Variants in FBRSL1 observed in about 807,000 individuals in gnomAD.
The protein encoded by FBRSL1 is fibrosin like 1.
Under a neutral mutation model 89.6 loss-of-function variants are expected in FBRSL1, and 51 were observed. That is an observed-to-expected ratio of 0.57 (90% confidence interval 0.45 to 0.72). FBRSL1 has a LOEUF of 0.72. Ranked by LOEUF, FBRSL1 falls within the 30% of genes least tolerant of loss-of-function variation. The pLI, the probability that FBRSL1 is intolerant of heterozygous loss-of-function variation, is 0.00. For missense variants in FBRSL1, 1,618 were observed against 1,451.8 expected, an observed-to-expected ratio of 1.11 and a Z score of -1.86; for synonymous variants, 779 against 681.1, an observed-to-expected ratio of 1.14 and a Z score of -2.24.
In FBRSL1 at chr12:132,583,649, G is replaced by A; in HGVS notation, c.2880G>A (p.Val960=). ...CCCTCGGCGCACCGCCCCCCCTGGTGACGGCGGCCGGGCCCCCCACGCCCC... is the reference window on the plus strand; with the variant it reads ...CCCTCGGCGCACCGCCCCCCCTGGTAACGGCGGCCGGGCCCCCCACGCCCC... The part of the protein sequence containing the change: ...AAALGAPPPL[V]TAAGPPTPPG... The change falls in exon 19 of 19, where the codon GTG becomes GTA. Residue 960 remains valine (V), a synonymous_variant. Transcript: ENST00000680143. The A allele has an allele frequency of 9.8e-7, 1 of 1,025,224 alleles. No individual in the cohort carries two copies. The highest frequency in any genetic ancestry group is 1.2e-6 in the Non-Finnish European group (1 of 855,510). The allele number at this position is 1,025,224 out of a possible 1,614,324, so 63.5% of individuals were successfully genotyped here.
intron 4 of FBRSL1, among the ~76,000 whole-genome samples, chr12:132,541,942 G>A (rs1476220939): frequency 6.6e-6 from 1 of 152,242 alleles, no homozygotes; most frequent in Non-Finnish European, 1.5e-5. Context: ...TTTCTGGGCT[G>A]CAGGTTCAGA....
At chr12:132,569,374 C>T (rs1459873587) in intron 6 of FBRSL1, among the ~76,000 whole-genome samples, 2 of 152,100 alleles carry the variant, frequency 1.3e-5, no homozygotes, top group Non-Finnish European at 2.9e-5. Flanking sequence ...CCCAAGTTTC[C>T]AGGAAGTGGT....
chr12:132,544,900 T>A (rs1454302133), intron 4 of FBRSL1, among the ~76,000 whole-genome samples: 1 of 152,138 alleles, frequency 6.6e-6, no homozygotes, highest in African/African-American at 2.4e-5. Flanking sequence ...GATACTGTCA[T>A]GTGTATAATG....
At position 132,582,186 on chromosome 12, in the gene FBRSL1, C is replaced by T. The variant is rs1278515103; in HGVS notation, c.2121C>T (p.Pro707=). The T allele has an allele frequency of 6.5e-7, 1 of 1,550,184 alleles. No homozygotes were observed. Among genetic ancestry groups the T allele is most frequent in the Non-Finnish European group, 8.7e-7 (1 of 1,146,850 alleles). The change falls in exon 18 of 19, where the codon CCC becomes CCT. Residue 707 remains proline (P), a synonymous_variant. Coordinates refer to ENST00000680143, the MANE Select transcript of FBRSL1 (RefSeq NM_001367871.1). ...PPSFPAPPPW[P]KSVDAERVSA... ...CCTTCCCGGCTCCGCCCCCGTGGCC[C>T]AAGTCCGTGGACGCGGAGCGGGTGT... is the stretch of plus-strand genomic sequence containing the variant.
At chr12:132,494,788 C>T (rs2031715044) in intron 1 of FBRSL1, among the ~76,000 whole-genome samples, 3 of 152,200 alleles carry the variant, frequency 2.0e-5, no homozygotes, top group African/African-American at 2.4e-5. Flanking sequence ...AGAAGGTCCA[C>T]GTGTGTCCCA....
Position 132,583,383 on chromosome 12 carries a change from C to T in FBRSL1, c.2614C>T (p.Pro872Ser). Reference sequence around the variant, plus strand: ...CGCCTTCCCCGCTGCCGCCCCCGCCCCGGGCTCCGCCGCCCTCTTGGAGCC... The same window carrying T: ...CGCCTTCCCCGCTGCCGCCCCCGCCTCGGGCTCCGCCGCCCTCTTGGAGCC... Reference protein sequence around the residue: ...RRAFPAAAPAPGSAALLEPPE... With the variant: ...RRAFPAAAPASGSAALLEPPE... The change falls in exon 19 of 19, where the codon CCG (proline) becomes TCG (serine). Residue 872 changes from proline (P) to serine (S), a missense_variant. Transcript: ENST00000680143. 9.2e-7 allele frequency: 1 copy of T among 1,086,960 alleles called. No homozygotes were observed. The highest frequency in any genetic ancestry group is 3.0e-5 in the South Asian group (1 of 32,884). The allele number at this position is 1,086,960 out of a possible 1,614,324, so 67.3% of individuals were successfully genotyped here. A position where few individuals can be genotyped will look rare whatever the true frequency, so the allele number is the denominator to read the frequency against.
rs147795208 is a variant in FBRSL1 at position 132,518,584 on chromosome 12, A to T, written c.490-7150A>T. ...CATCCATCTACCCATCTGGCCATCC[A>T]TCCACCCATCTGTCCATCCATCCAC... is the stretch of plus-strand genomic sequence containing the variant. On this transcript the variant is annotated intron_variant, in intron 2 of 18. Transcript: ENST00000680143. Among the ~76,000 whole-genome samples the T allele has an allele frequency of 6.3e-3, 922 of 146,944 alleles. 3 individuals are homozygous for T. Among genetic ancestry groups the T allele is most frequent in the Non-Finnish European group, 9.4e-3 (633 of 67,226 alleles).
chr12:132,541,451 C>T (rs1470092122), intron 4 of FBRSL1, among the ~76,000 whole-genome samples: 1 of 152,166 alleles, frequency 6.6e-6, no homozygotes, highest in African/African-American at 2.4e-5. Flanking sequence ...ACCCCGGGGA[C>T]AGCTGCCCAG....
chr12:132,529,345 G>A (rs1027625969), intron 4 of FBRSL1, among the ~76,000 whole-genome samples: 8 of 152,198 alleles, frequency 5.3e-5, no homozygotes, highest in East Asian at 1.9e-4. Context: ...GCAAGGGAGC[G>A]GCATGGGCGG....
Position 132,583,503 on chromosome 12 carries a change from C to A in FBRSL1, c.2734C>A (p.Pro912Thr). Residue 912 changes from proline (P) to threonine (T), a missense_variant, in exon 19 of 19, where the codon CCC (proline) becomes ACC (threonine). By Grantham distance (38) the Pro-to-Thr change is conservative. Coordinates refer to ENST00000680143, the MANE Select transcript of FBRSL1 (RefSeq NM_001367871.1). The part of the protein sequence containing the change: ...LERARAPHLP[P>T]AAPALDGALL... ...GCGCGCGCGGGCCCCGCACCTGCCG[C>A]CCGCCGCCCCCGCCTTGGACGGCGC... 9.6e-7 allele frequency: 1 copy of A among 1,042,506 alleles called. No homozygotes were observed. Among genetic ancestry groups the A allele is most frequent in the Non-Finnish European group, 1.2e-6 (1 of 866,400 alleles). The allele number at this position is 1,042,506 out of a possible 1,614,324, so 64.6% of individuals were successfully genotyped here.
At position 132,583,531 on chromosome 12, in the gene FBRSL1, T is replaced by G; in HGVS notation, c.2762T>G (p.Leu921Arg). Reference sequence around the variant, plus strand: ...GCCGCCCCCGCCTTGGACGGCGCGCTGCTGCCCTCGCTGGGAGCCCTGCAC... The same window carrying G: ...GCCGCCCCCGCCTTGGACGGCGCGCGGCTGCCCTCGCTGGGAGCCCTGCAC... ...PPAAPALDGA[L>R]LPSLGALHFP... The change falls in exon 19 of 19, where the codon CTG (leucine) becomes CGG (arginine). Residue 921 changes from leucine to arginine, a missense_variant. Transcript: ENST00000680143. The G allele has an allele frequency of 9.5e-7, 1 of 1,047,652 alleles. No individual in the cohort carries two copies. The highest frequency in any genetic ancestry group is 1.2e-6 in the Non-Finnish European group (1 of 869,098). The allele number at this position is 1,047,652 out of a possible 1,614,324, so 64.9% of individuals were successfully genotyped here. A position where few individuals can be genotyped will look rare whatever the true frequency, so the allele number is the denominator to read the frequency against.
intron 4 of FBRSL1, among the ~76,000 whole-genome samples, chr12:132,542,427 C>T (rs749734578): frequency 7.9e-5 from 12 of 152,226 alleles, no homozygotes; most frequent in Non-Finnish European, 1.6e-4. Flanking sequence ...CGGGTTGGTG[C>T]AGGCGCCCGT....
At chr12:132,575,088 G>A (rs60726096) in intron 14 of FBRSL1, among the ~76,000 whole-genome samples, 3,737 of 152,136 alleles carry the variant, frequency 0.025, 159 homozygotes, top group African/African-American at 0.085. Context: ...AGGACAGGGG[G>A]ACTGTTGCCT....
intron 5 of FBRSL1, chr12:132,551,440 T>C (rs371178637): frequency 2.4e-5 from 11 of 456,254 alleles, no homozygotes; most frequent in African/African-American, 2.0e-4. Context: ...CAGAAGCGGA[T>C]GCCGGGGCAG....
At chr12:132,581,261 T>C in intron 15 of FBRSL1, 178 bp from the exon 16 acceptor site, 6 of 985,408 alleles carry the variant, frequency 6.1e-6, no homozygotes, top group Non-Finnish European at 7.2e-6. Flanking sequence ...CTCCTCCGAA[T>C]TGTGGGGTAG....
chr12:132,508,036 G>T, intron 1 of FBRSL1, 117 bp from the exon 2 acceptor site: 2 of 1,033,596 alleles, frequency 1.9e-6, no homozygotes, highest in Non-Finnish European at 2.8e-6. Flanking sequence ...CTTTCCCTCT[G>T]AGGTGCCCCT....
chr12:132,571,627 G>C (rs1387412100), intron 9 of FBRSL1: 4 of 841,640 alleles, frequency 4.8e-6, no homozygotes, highest in Non-Finnish European at 6.5e-6. Context: ...AGCCCAGGAG[G>C]AGGTGGGGGG....
intron 15 of FBRSL1, among the ~76,000 whole-genome samples, chr12:132,578,343 TCACACACA>T (rs3221291): frequency 7.1e-6 from 1 of 141,008 alleles, no homozygotes; most frequent in African/African-American, 2.6e-5. Flanking sequence ...AGACCCTGTC[TCACACACA>T]CACACACACA....
chr12:132,512,144 C>T (rs1417647765), intron 2 of FBRSL1, among the ~76,000 whole-genome samples: 1 of 152,186 alleles, frequency 6.6e-6, no homozygotes, highest in Non-Finnish European at 1.5e-5. Flanking sequence ...CTGTGCTCAG[C>T]ATGGGGGCAC....
Sources: allele counts gnomAD v4.1 joint callset (sites outside exome capture counted in the v4.1 genomes callset), GRCh38; gene constraint gnomAD v4.1.1; transcripts MANE v1.5; gene names NCBI Gene and HGNC (gene_info 2026-07-23, HGNC 2026-07-21).